Variants in SIL1 observed in about 807,000 individuals in gnomAD.
The protein encoded by SIL1 is SIL1 nucleotide exchange factor.
A neutral mutation model predicts 49.1 loss-of-function variants in SIL1; 40 were observed. The observed-to-expected ratio is 0.81, with a 90% CI of 0.63 to 1.06. The LOEUF (loss-of-function observed/expected upper bound fraction) is 1.06. Among genes scored for constraint, SIL1 ranks in the 50% least tolerant of loss-of-function variants. SIL1 has a pLI of 0.00. For synonymous variants in SIL1, 253 were observed against 250.8 expected (o/e 1.01, Z -0.08); for missense variants, 500 against 572.6 (o/e 0.87, Z 1.29).
chr5:138,977,903 G>A (rs1767426955), intron 7 of SIL1, among the ~76,000 whole-genome samples: 1 of 152,076 alleles, frequency 6.6e-6, no homozygotes, highest in African/African-American at 2.4e-5. Flanking sequence ...CTGCTGCCTG[G>A]AAAACCCTTG....
chr5:139,137,046 T>C (rs1750988379), intron 1 of SIL1, among the ~76,000 whole-genome samples: 1 of 152,228 alleles, frequency 6.6e-6, no homozygotes, highest in Non-Finnish European at 1.5e-5. Context: ...CCGGAGGCTT[T>C]AGTCCTTCCA....
intron 7 of SIL1, among the ~76,000 whole-genome samples, chr5:139,005,341 C>A (rs1304806734): frequency 1.3e-5 from 2 of 151,392 alleles, no homozygotes; most frequent in Non-Finnish European, 2.9e-5. Flanking sequence ...TTTTTTTGCC[C>A]ATACTTTTGA....
chr5:138,971,057 G>C (rs940656082), intron 7 of SIL1, among the ~76,000 whole-genome samples: 1 of 152,190 alleles, frequency 6.6e-6, no homozygotes. Context: ...ACTGGGAAGG[G>C]AACAGGTGGG....
chr5:139,125,980 A>G (rs1044326849), intron 2 of SIL1, among the ~76,000 whole-genome samples: 4 of 152,196 alleles, frequency 2.6e-5, no homozygotes, highest in South Asian at 2.1e-4. Context: ...ACCTGCCCCA[A>G]TGCCTTTGGG....
intron 7 of SIL1, among the ~76,000 whole-genome samples, chr5:138,961,123 C>T (rs1160212264): frequency 6.6e-6 from 1 of 152,186 alleles, no homozygotes; most frequent in African/African-American, 2.4e-5. Context: ...AAGAAATGAC[C>T]TCTTTTCTTT....
chr5:139,062,133 G>C (rs1769604279), intron 3 of SIL1, among the ~76,000 whole-genome samples: 1 of 152,102 alleles, frequency 6.6e-6, no homozygotes, highest in African/African-American at 2.4e-5. Flanking sequence ...CTGTCTCCAG[G>C]ACTTGAACGG....
chr5:139,054,615 T>A (rs571825623), intron 3 of SIL1, among the ~76,000 whole-genome samples: 1 of 152,168 alleles, frequency 6.6e-6, no homozygotes, highest in Non-Finnish European at 1.5e-5. Flanking sequence ...TATTTAAAAT[T>A]TTCAAACTTT....
rs184469163 is a variant in SIL1, at chr5:139,046,741, G to T, written c.354-4022C>A. 4.3e-4 allele frequency among the ~76,000 whole-genome samples: 65 copies of T among 152,296 alleles called. No homozygotes were observed. The East Asian group carries it at 0.012, about 28-fold the overall frequency. On this transcript the variant is annotated intron_variant, in intron 4 of 9. Transcript: ENST00000394817. ...TCTCTAGTCAAGCTACATGGCTGTG[G>T]TTTGGATCAGCTCCAGGGATCTCAG...
chr5:139,196,753 A>G lies in SIL1; in HGVS notation c.-11+1516T>C, dbSNP rs955453168. On this transcript the variant is annotated intron_variant, in intron 1 of 9. Coordinates refer to ENST00000394817, the MANE Select transcript of SIL1 (RefSeq NM_022464.5). ...GAAATAAATGTGGTGTGGTAACACCATCTTAAAAACCCGAGAGCCATGTTC... is the reference window on the plus strand; with the variant it reads ...GAAATAAATGTGGTGTGGTAACACCGTCTTAAAAACCCGAGAGCCATGTTC... Among the ~76,000 whole-genome samples, 5 of 152,346 alleles carry G rather than the reference A, an allele frequency of 3.3e-5. No individual in the cohort carries two copies. In the East Asian group the frequency reaches 5.8e-4, roughly 18 times the overall value.
chr5:138,987,165 G>C (rs757989010), intron 7 of SIL1, among the ~76,000 whole-genome samples: 9 of 149,550 alleles, frequency 6.0e-5, no homozygotes, highest in Non-Finnish European at 1.0e-4. Context: ...CTGTCACCCA[G>C]GCTGGAGTGC....
intron 3 of SIL1, among the ~76,000 whole-genome samples, chr5:139,101,128 T>C (rs1015722229): frequency 6.6e-6 from 1 of 152,158 alleles, no homozygotes; most frequent in African/African-American, 2.4e-5. Flanking sequence ...TCATCCACTG[T>C]GTACCTAGTA....
intron 7 of SIL1, among the ~76,000 whole-genome samples, chr5:138,956,572 C>T (rs770583840): frequency 3.3e-5 from 5 of 152,000 alleles, no homozygotes; most frequent in Middle Eastern, 3.4e-3. Flanking sequence ...GGTGAAACCC[C>T]GTCTCTACTA....
At chr5:138,997,154 C>T (rs1044411528) in intron 7 of SIL1, among the ~76,000 whole-genome samples, 1 of 151,988 alleles carries the variant, frequency 6.6e-6, no homozygotes, top group Non-Finnish European at 1.5e-5. Context: ...GGTCTCAAAC[C>T]CCTGGCCTCA....
chr5:139,016,490 A>G (rs1239058235), intron 7 of SIL1, among the ~76,000 whole-genome samples: 1 of 152,174 alleles, frequency 6.6e-6, no homozygotes, highest in African/African-American at 2.4e-5. Flanking sequence ...AGAAAATGAA[A>G]AGAGAGAAGG....
chr5:139,195,247 CT>C (rs762077298), intron 1 of SIL1, among the ~76,000 whole-genome samples: 18 of 151,822 alleles, frequency 1.2e-4, no homozygotes, highest in Non-Finnish European at 2.4e-4. Context: ...CTCTCATGTT[CT>C]TTTGAATATT....
At chr5:139,090,395 C>G (rs1055726466) in intron 3 of SIL1, among the ~76,000 whole-genome samples, 2 of 152,152 alleles carry the variant, frequency 1.3e-5, no homozygotes, top group African/African-American at 4.8e-5. Context: ...CAACTGCCAT[C>G]TAGATACACA....
intron 7 of SIL1, among the ~76,000 whole-genome samples, chr5:138,952,635 T>C (rs775229763): frequency 2.2e-4 from 34 of 152,224 alleles, no homozygotes; most frequent in Non-Finnish European, 3.4e-4. Context: ...ACAACACGTG[T>C]ACACAACCAT....
intron 3 of SIL1, among the ~76,000 whole-genome samples, chr5:139,073,221 T>C (rs1769874410): frequency 6.6e-6 from 1 of 152,080 alleles, no homozygotes. Flanking sequence ...CCATAGGAAA[T>C]AAAATCAGCA....
intron 1 of SIL1, among the ~76,000 whole-genome samples, chr5:139,172,477 C>CA: frequency 6.6e-6 from 1 of 151,856 alleles, no homozygotes; most frequent in Non-Finnish European, 1.5e-5. Context: ...ACTAAAAATA[C>CA]AAAAAATTAG....
Sources: gnomAD v4.1 joint callset for allele counts (sites outside exome capture counted in the v4.1 genomes callset) on GRCh38, gnomAD v4.1.1 for gene constraint, MANE v1.5 for transcripts, NCBI Gene and HGNC (gene_info 2026-07-23, HGNC 2026-07-21) for gene names.